SAMD11: variants seen among roughly 807,000 people sequenced by gnomAD.
SAMD11 encodes the protein sterile alpha motif domain-containing protein 11.
In SAMD11, 77 loss-of-function variants were observed where a neutral mutation model predicts 64.4. That is an observed-to-expected ratio of 1.20 (90% CI 0.99 to 1.44). The LOEUF is 1.44. Among genes scored for constraint, SAMD11 ranks in the 40% most tolerant of loss-of-function variants. SAMD11 has a pLI of 0.00. For missense variants in SAMD11, 1,402 were observed against 943.3 expected (o/e 1.49, Z -6.37); for synonymous variants, 658 against 421.9 (o/e 1.56, Z -6.86).
rs571656533 is a variant in SAMD11 at position 941,618 on chromosome 1, G to C, written c.1358+312G>C. ...AGAGGACTCAGAGCTGGAGGCGGAG[G>C]GGGGGTCCTGGCTGGCGCTCAAATG... On this transcript the variant is annotated intron_variant, in intron 8 of 13. Transcript: ENST00000616016. Among the ~76,000 whole-genome samples, 14 of 152,246 alleles carry C rather than the reference G, an allele frequency of 9.2e-5. No homozygotes were observed. The East Asian group carries it at 1.4e-3, about 15-fold the overall frequency.
Position 942,693 on chromosome 1 carries a change from T to C in SAMD11, c.1688T>C (p.Leu563Pro). 1.4e-6 allele frequency: 2 copies of C among 1,443,954 alleles called. No individual in the cohort carries two copies. Among genetic ancestry groups the C allele is most frequent in the Non-Finnish European group, 1.8e-6 (2 of 1,109,722 alleles). The allele number at this position is 1,443,954 out of a possible 1,614,324, so 89.4% of individuals were successfully genotyped here. ...ELQRRGALLV[L>P]NHGAAPLLAL... ...CAGCGGCGCGGGGCCCTGCTGGTGCTGAACCACGGCGCGGCGCCACTGCTG... is the reference window on the plus strand; with the variant it reads ...CAGCGGCGCGGGGCCCTGCTGGTGCCGAACCACGGCGCGGCGCCACTGCTG... The change falls in exon 11 of 14, where the codon CTG becomes CCG. Residue 563 changes from leucine (L) to proline (P), a missense_variant. By Grantham distance (98) the Leu-to-Pro change is moderately conservative. Coordinates refer to ENST00000616016, the MANE Select transcript of SAMD11 (RefSeq NM_001385641.1).
In SAMD11 at chr1:928,553, G is replaced by A. The variant is rs889343130; in HGVS notation, c.610-1602G>A. On this transcript the variant is annotated intron_variant, in intron 2 of 13. Coordinates refer to ENST00000616016, the MANE Select transcript of SAMD11 (RefSeq NM_001385641.1). ...GGGACCCCCGAGCTCCAGCTGACAC[G>A]CGGAGGCCCGGGCACAGACAGGCAT... Among the ~76,000 whole-genome samples, 5 of 152,366 alleles carry A rather than the reference G, an allele frequency of 3.3e-5. No individual in the cohort carries two copies. In the East Asian group the frequency reaches 7.7e-4, roughly 24 times the overall value.
chr1:943,259 T>G lies in SAMD11; in HGVS notation c.2060T>G (p.Val687Gly). The G allele has an allele frequency of 6.2e-7, 1 of 1,612,764 alleles. No homozygotes were observed. The highest frequency in any genetic ancestry group is 1.1e-5 in the South Asian group (1 of 91,046). Residue 687 changes from valine to glycine, a missense_variant, in exon 12 of 14, where the codon GTA becomes GGA. Physicochemically the swap from Val to Gly is moderately radical, Grantham distance 109. Coordinates refer to ENST00000616016, the MANE Select transcript of SAMD11 (RefSeq NM_001385641.1). ...AACACGCCCCACAACTCAGGCGCGG[T>G]AGGGGGACTCTCCATGGATGGGGAG... Reference protein sequence around the residue: ...AVSPYFHTGAVGGLSMDGEEA... With the variant: ...AVSPYFHTGAGGGLSMDGEEA...
chr1:940,982 GTGGC>G (rs1641729367), intron 7 of SAMD11, 158 bp from the exon 8 acceptor site: 2 of 564,068 alleles, frequency 3.5e-6, no homozygotes, highest in Admixed American at 3.7e-5. Flanking sequence ...TCTCGGCCCT[GTGGC>G]CGCCCATCCT....
At chr1:927,605 T>C (rs1640956557) in intron 2 of SAMD11, among the ~76,000 whole-genome samples, 1 of 152,164 alleles carries the variant, frequency 6.6e-6, no homozygotes, top group African/African-American at 2.4e-5. Context: ...TCAGAGGCTG[T>C]CTCCCCCAAG....
At chr1:943,553 G>C (rs1468780513) in intron 12 of SAMD11, 145 bp from the exon 13 acceptor site, 4 of 814,908 alleles carry the variant, frequency 4.9e-6, no homozygotes, top group East Asian at 3.0e-5. Context: ...TTTTTTGCCA[G>C]GTGTTTTCTG....
At chr1:943,596 T>C (rs1641958330) in intron 12 of SAMD11, 102 bp from the exon 13 acceptor site, 3 of 1,281,396 alleles carry the variant, frequency 2.3e-6, no homozygotes, top group Admixed American at 3.2e-5. Flanking sequence ...TCACTGTTTT[T>C]AAAAAATTTC....
rs150604687 is a variant in SAMD11 at position 928,189 on chromosome 1, C to T, written c.610-1966C>T. Among the ~76,000 whole-genome samples, 868 of 152,132 alleles carry T rather than the reference C, an allele frequency of 5.7e-3. 9 individuals are homozygous for T. The highest frequency in any genetic ancestry group is 0.016 in the African/African-American group (685 of 41,518). ...CGGGCGGATCACGAGGTCAGGAGAT[C>T]GAGACCATCCTGACTAACACGGTGA... On this transcript the variant is annotated intron_variant, in intron 2 of 13. Transcript: ENST00000616016.
chr1:928,392 A>C (rs904378294), intron 2 of SAMD11, among the ~76,000 whole-genome samples: 1 of 152,214 alleles, frequency 6.6e-6, no homozygotes, highest in Non-Finnish European at 1.5e-5. Context: ...ACTCCGTCTC[A>C]AAAAACTAAA....
rs777921687 is a variant in SAMD11 at position 944,044 on chromosome 1, C to T, written c.2426C>T (p.Ser809Phe). 9.3e-6 allele frequency: 15 copies of T among 1,612,790 alleles called. No individual in the cohort carries two copies. Among genetic ancestry groups the T allele is most frequent in the Non-Finnish European group, 1.1e-5 (13 of 1,179,938 alleles). The change falls in exon 14 of 14, where the codon TCC (serine) becomes TTC (phenylalanine). Residue 809 changes from serine to phenylalanine, a missense_variant. Coordinates refer to ENST00000616016, the MANE Select transcript of SAMD11 (RefSeq NM_001385641.1). ...EQPLSPTTAT[S>F]PYGGGHALAG... ...CCCTTGTCCCCCACGACGGCCACGT[C>T]CCCCTATGGAGGGGGCCACGCCCTT...
chr1:937,027 C>T (rs902720418), intron 5 of SAMD11, among the ~76,000 whole-genome samples: 1 of 152,258 alleles, frequency 6.6e-6, no homozygotes, highest in African/African-American at 2.4e-5. Context: ...CCCATGGAGT[C>T]AGGACGTGTT....
At chr1:928,377 G>A (rs1008981709) in intron 2 of SAMD11, among the ~76,000 whole-genome samples, 1 of 152,254 alleles carries the variant, frequency 6.6e-6, no homozygotes, top group Non-Finnish European at 1.5e-5. Flanking sequence ...GGGCAACAGA[G>A]TGAGACTCCG....
At position 942,148 on chromosome 1, in the gene SAMD11, G is replaced by A. The variant is rs769668577; in HGVS notation, c.1371G>A (p.Gln457=). 2.0e-5 allele frequency: 27 copies of A among 1,374,992 alleles called. No homozygotes were observed. Among genetic ancestry groups the A allele is most frequent in the Non-Finnish European group, 2.6e-5 (27 of 1,033,062 alleles). The allele number at this position is 1,374,992 out of a possible 1,614,324, so 85.2% of individuals were successfully genotyped here. The change falls in exon 9 of 14, where the codon CAG becomes CAA. Residue 457 remains glutamine (Q), a synonymous_variant. Coordinates refer to ENST00000616016, the MANE Select transcript of SAMD11 (RefSeq NM_001385641.1). ...CTGCCGTCCACAGGGAGCTGCCTCA[G>A]CCGCCCCCCTTGCTGTCGCCGCAGA... ...APSFSERELP[Q]PPPLLSPQNA... is the part of the protein sequence containing the mutation.
Position 931,170 on chromosome 1 carries a change from TGCTGTCC to T in SAMD11, c.842+88_842+94del, listed in dbSNP as rs986760690. On this transcript the variant is annotated intron_variant, in intron 4 of 13. Transcript: ENST00000616016. ...CCACCCCTGACCGTGCCCTGCTGTC[TGCTGTCC>T]GCTGTCTCAGCGTGAGCTGATGCTG... is the stretch of plus-strand genomic sequence containing the variant. The T allele has an allele frequency of 6.8e-5, 79 of 1,155,666 alleles. 1 individual carries two copies. The African/African-American group carries it at 1.0e-3, about 15-fold the overall frequency. 71.6% of individuals were successfully genotyped at this position (1,155,666 alleles called of 1,614,324 possible).
chr1:926,118 C>G (rs1305932475), intron 2 of SAMD11, 105 bp downstream of exon 2: 2 of 1,119,066 alleles, frequency 1.8e-6, no homozygotes, highest in Non-Finnish European at 2.6e-6. Flanking sequence ...CTCACCCCTG[C>G]GGGTGTGCTG....
Position 924,595 on chromosome 1 carries a change from C to A in SAMD11, c.164C>A (p.Ser55Ter). The change falls in exon 1 of 14, where the codon TCG becomes TAG. Residue 55 changes from serine (S) to a stop codon, truncating the protein, a stop_gained. Coordinates refer to ENST00000616016, the MANE Select transcript of SAMD11 (RefSeq NM_001385641.1). LOFTEE classifies it high-confidence loss of function. The stretch of plus-strand genomic sequence containing the variant: ...CCCCCGGCCGCCTCGCTGCCCGCCT[C>A]GGCCGCCGGTTACGAGGCTCTGCTG... The part of the protein sequence containing the change: ...ALPPAASLPA[S>*]AAGYEALLAP... 1 of 151,490 alleles carries A rather than the reference C, an allele frequency of 6.6e-6. No individual in the cohort carries two copies. Among genetic ancestry groups the A allele is most frequent in the South Asian group, 1.9e-4 (1 of 5,274 alleles). The allele number at this position is 151,490 out of a possible 1,614,324, so 9.4% of individuals were successfully genotyped here. A position where few individuals can be genotyped will look rare whatever the true frequency, so the allele number is the denominator to read the frequency against.
chr1:941,959 C>A (rs1399104916), intron 8 of SAMD11, 177 bp from the exon 9 acceptor site: 1 of 362,308 alleles, frequency 2.8e-6, no homozygotes, highest in Non-Finnish European at 4.9e-6. Flanking sequence ...GCGCCGCCGC[C>A]GAGATTAATT....
Position 935,777 on chromosome 1 carries a change from A to G in SAMD11, c.848A>G (p.Asp283Gly), listed in dbSNP as rs746817311. The G allele has an allele frequency of 1.2e-6, 2 of 1,613,244 alleles. No individual in the cohort carries two copies. The highest frequency in any genetic ancestry group is 2.2e-5 in the South Asian group (2 of 91,068). The change falls in exon 5 of 14, where the codon GAC (aspartate) becomes GGC (glycine). Residue 283 changes from aspartate (D) to glycine (G), a missense_variant. Physicochemically the swap from Asp to Gly is moderately conservative, Grantham distance 94. Coordinates refer to ENST00000616016, the MANE Select transcript of SAMD11 (RefSeq NM_001385641.1). ...TTCCCGGTCTCGTTCTGCAGCCAGG[A>G]CGGCAACCTTCCCACCCTCATATCC... ...ISFREASCSQDGNLPTLISSV... is the reference protein window; with the variant it reads ...ISFREASCSQGGNLPTLISSV...
intron 2 of SAMD11, among the ~76,000 whole-genome samples, chr1:926,794 A>G (rs1215234003): frequency 1.3e-5 from 2 of 152,138 alleles, no homozygotes; most frequent in African/African-American, 4.8e-5. Context: ...GGGAAGGACT[A>G]GTTTGGAGCC....
Sources: gnomAD v4.1 joint callset for allele counts (sites outside exome capture counted in the v4.1 genomes callset) on GRCh38, gnomAD v4.1.1 for gene constraint, MANE v1.5 for transcripts, NCBI Gene and HGNC (gene_info 2026-07-23, HGNC 2026-07-21) for gene names.